The following STON2 variants were observed in gnomAD, a reference collection of about 807,000 sequenced individuals.
STON2 encodes the protein stonin 2.
In STON2, 29 loss-of-function variants were observed where a neutral mutation model predicts 65.7. That is an observed-to-expected ratio of 0.44 (90% CI 0.33 to 0.60). The LOEUF is 0.60. STON2 is among the 20% of genes least tolerant of loss of function. The pLI is 0.03. For missense variants in STON2, 1,054 were observed against 1,118.1 expected, an observed-to-expected ratio of 0.94 and a Z score of 0.82; for synonymous variants, 404 against 414.2, an observed-to-expected ratio of 0.98 and a Z score of 0.30.
intron 6 of STON2, among the ~76,000 whole-genome samples, chr14:81,274,798 A>G (rs1045088210): frequency 3.9e-5 from 6 of 152,054 alleles, no homozygotes; most frequent in Non-Finnish European, 8.8e-5. Context: ...TTAGCTACTC[A>G]GAAGACTGAT....
chr14:81,423,942 G>C (rs1901840099), intron 2 of STON2, among the ~76,000 whole-genome samples: 1 of 152,194 alleles, frequency 6.6e-6, no homozygotes, highest in South Asian at 2.1e-4. Context: ...GGCTGCTTTG[G>C]TAGAGTGGAG....
chr14:81,357,301 G>A (rs530004497), intron 4 of STON2, among the ~76,000 whole-genome samples: 92 of 152,204 alleles, frequency 6.0e-4, no homozygotes, highest in Middle Eastern at 3.4e-3. Context: ...ATGAAAAAAT[G>A]CTCACCATCA....
chr14:81,271,129 G>A (rs1894573787), intron 6 of STON2, among the ~76,000 whole-genome samples: 2 of 152,116 alleles, frequency 1.3e-5, no homozygotes, highest in Non-Finnish European at 2.9e-5. Context: ...TGAGAAACAG[G>A]GGCCATCCTG....
chr14:81,341,171 G>C (rs79288607), intron 4 of STON2, among the ~76,000 whole-genome samples: 3,032 of 152,152 alleles, frequency 0.02, 117 homozygotes, highest in East Asian at 0.16. Context: ...ACAAATGTCT[G>C]TATCTGATTT....
intron 1 of STON2, among the ~76,000 whole-genome samples, chr14:81,428,153 T>G (rs1027744403): frequency 1.6e-4 from 25 of 152,346 alleles, no homozygotes; most frequent in Middle Eastern, 3.4e-3. Context: ...ATTGATAGTG[T>G]TTTTGATAAT....
chr14:81,394,660 G>A (rs1900229796), intron 3 of STON2, among the ~76,000 whole-genome samples: 1 of 152,092 alleles, frequency 6.6e-6, no homozygotes, highest in Admixed American at 6.5e-5. Flanking sequence ...CAGATGTCAG[G>A]GAAAGATGTG....
Position 81,298,031 on chromosome 14 carries a change from C to CT in STON2, c.743-19293dup, listed in dbSNP as rs1353844340. 2.6e-5 allele frequency among the ~76,000 whole-genome samples: 4 copies of CT among 152,248 alleles called. No individual in the cohort carries two copies. The East Asian group carries it at 7.7e-4, about 29-fold the overall frequency. ...CAGCCTGGGCAACAAGAGCAAAACTCTGTCTCAAAAGAAAAATAATAATAA... is the reference window on the plus strand; with the variant it reads ...CAGCCTGGGCAACAAGAGCAAAACTCTTGTCTCAAAAGAAAAATAATAATAA... On this transcript the variant is annotated intron_variant, in intron 5 of 7. Transcript: ENST00000614646.
At chr14:81,292,229 C>T (rs1353866965) in intron 5 of STON2, among the ~76,000 whole-genome samples, 3 of 152,198 alleles carry the variant, frequency 2.0e-5, no homozygotes, top group African/African-American at 7.2e-5. Flanking sequence ...CAAACAACTG[C>T]TGGAGTTGCT....
chr14:81,302,811 T>A (rs1436903210), intron 5 of STON2, among the ~76,000 whole-genome samples: 1 of 152,174 alleles, frequency 6.6e-6, no homozygotes, highest in South Asian at 2.1e-4. Context: ...ACCTATCAAA[T>A]GGGATAACGA....
chr14:81,370,991 T>C lies in STON2; in HGVS notation c.568A>G (p.Thr190Ala), dbSNP rs199826666. 8.7e-5 allele frequency: 141 copies of C among 1,612,240 alleles called. No homozygotes were observed. Among genetic ancestry groups the C allele is most frequent in the Middle Eastern group, 4.2e-4 (2 of 4,758 alleles). ...TSGQASGADS[T>A]DKRTEWQTGR... is the part of the protein sequence containing the mutation. Reference sequence around the variant, plus strand: ...CTGGCTTAGAGCTCCATCTTACCAGTTGAGTCAGCCCCAGAAGCCTGGCCA... The same window carrying C: ...CTGGCTTAGAGCTCCATCTTACCAGCTGAGTCAGCCCCAGAAGCCTGGCCA... The change falls in exon 4 of 8, where the codon ACT becomes GCT. Residue 190 changes from threonine (T) to alanine (A), a missense_variant. Coordinates refer to ENST00000614646, the MANE Select transcript of STON2 (RefSeq NM_001394390.1).
chr14:81,428,552 G>A (rs925916846), intron 1 of STON2, among the ~76,000 whole-genome samples: 6 of 151,722 alleles, frequency 4.0e-5, no homozygotes, highest in Admixed American at 2.6e-4. Flanking sequence ...GCGAAACCCC[G>A]TCTCTACTGA....
In STON2 at chr14:81,277,210, C is replaced by T; in HGVS notation, c.2272G>A (p.Val758Met). 1 of 1,614,234 alleles carries T rather than the reference C, an allele frequency of 6.2e-7. No homozygotes were observed. Among genetic ancestry groups the T allele is most frequent in the Non-Finnish European group, 8.5e-7 (1 of 1,180,046 alleles). ...ATCCTCAGCCAGCTCTGCACCTCCACCTCTGCCCCATTGACACTTGTGGCC... is the reference window on the plus strand; with the variant it reads ...ATCCTCAGCCAGCTCTGCACCTCCATCTCTGCCCCATTGACACTTGTGGCC... ...RTATSVNGAE[V>M]EVQSWLRMST... The change falls in exon 6 of 8, where the codon GTG becomes ATG. Residue 758 changes from valine to methionine, a missense_variant. By Grantham distance (21) the Val-to-Met change is conservative. Transcript: ENST00000614646.
chr14:81,396,215 A>T, intron 2 of STON2, 37 bp from the exon 3 acceptor site: 1 of 1,559,458 alleles, frequency 6.4e-7, no homozygotes, highest in African/African-American at 1.4e-5. Context: ...CATGTGAGGA[A>T]GGCCGCTCTT....
At chr14:81,276,763 CT>C in intron 6 of STON2, 137 bp downstream of exon 6, 2 of 1,003,498 alleles carry the variant, frequency 2.0e-6, no homozygotes, top group Non-Finnish European at 3.0e-6. Context: ...ATTATTTTTA[CT>C]TTTCTGGTCC....
At chr14:81,333,294 ATT>A in intron 4 of STON2, 1 of 677,752 alleles carries the variant, frequency 1.5e-6, no homozygotes. Flanking sequence ...GTCAATGACC[ATT>A]TGTTTCCTCT....
chr14:81,391,681 A>C (rs1900085575), intron 3 of STON2, among the ~76,000 whole-genome samples: 1 of 152,162 alleles, frequency 6.6e-6, no homozygotes, highest in African/African-American at 2.4e-5. Context: ...CATTTTCTTT[A>C]CCACTCTAAT....
At chr14:81,350,572 T>C (rs1897986289) in intron 4 of STON2, among the ~76,000 whole-genome samples, 1 of 151,986 alleles carries the variant, frequency 6.6e-6, no homozygotes, top group East Asian at 1.9e-4. Context: ...ATTCACAGAA[T>C]GGGTGGGAGG....
At chr14:81,405,785 G>A (rs776247547) in intron 2 of STON2, among the ~76,000 whole-genome samples, 34 of 152,106 alleles carry the variant, frequency 2.2e-4, no homozygotes, top group Non-Finnish European at 3.2e-4. Context: ...AATATTGAGC[G>A]TCAACTTGAT....
At chr14:81,307,861 T>A (rs1271801851) in intron 5 of STON2, among the ~76,000 whole-genome samples, 1 of 152,230 alleles carries the variant, frequency 6.6e-6, no homozygotes. Context: ...AATCATTTTA[T>A]GTTATTGGTA....
Sources: allele counts gnomAD v4.1 joint callset (sites outside exome capture counted in the v4.1 genomes callset), GRCh38; gene constraint gnomAD v4.1.1; transcripts MANE v1.5; gene names NCBI Gene and HGNC (gene_info 2026-07-23, HGNC 2026-07-21).